Variants in LYST observed in about 807,000 individuals in gnomAD.
The protein encoded by LYST is lysosomal-trafficking regulator.
Under a neutral mutation model 413.6 loss-of-function variants are expected in LYST, and 192 were observed. The ratio of observed to expected loss-of-function variants is 0.46; its 90% CI spans 0.41 to 0.52. LYST has a LOEUF of 0.52. LYST is among the 20% of genes least tolerant of loss of function. The pLI, the probability that LYST is intolerant of heterozygous loss-of-function variation, is 0.00. For missense variants in LYST, 3,815 were observed against 4,499.9 expected (o/e 0.85, Z 4.35); for synonymous variants, 1,525 against 1,567.3 (o/e 0.97, Z 0.64).
rs372397853 is a variant in LYST at position 235,809,970 on chromosome 1, G to A, written c.848C>T (p.Ala283Val). Residue 283 changes from alanine (A) to valine (V), a missense_variant, in exon 5 of 53, where the codon GCC becomes GTC. By Grantham distance (64) the Ala-to-Val change is moderately conservative. Around this residue, in one of 4 missense-constraint regions of LYST, gnomAD observed 1,648 missense variants for 1,810.3 expected, o/e 0.91. Coordinates refer to ENST00000389793, the MANE Select transcript of LYST (RefSeq NM_000081.4). The surrounding 1 kb of genome is among the most constrained non-coding windows in gnomAD (Gnocchi z 4.0). ...TTCAGTTAGTGTGGGCACTACACTG[G>A]CTGCTAAAGGAGAATTATGATTCAA... ...VTLNHNSPLA[A>V]SVVPTLTEFL... is the part of the protein sequence containing the mutation. 2 of 1,613,376 alleles carry A rather than the reference G, an allele frequency of 1.2e-6. No homozygotes were observed. The highest frequency in any genetic ancestry group is 1.7e-6 in the Non-Finnish European group (2 of 1,179,588).
rs549473243 is a variant in LYST at position 235,775,859 on chromosome 1, A to G, written c.5461-773T>C. Reference sequence around the variant, plus strand: ...ACCAGGTTCACAAGGCAGGTTATGCATGTAAGGATTTTAAGGACACTGAAT... The same window carrying G: ...ACCAGGTTCACAAGGCAGGTTATGCGTGTAAGGATTTTAAGGACACTGAAT... On this transcript the variant is annotated intron_variant, in intron 17 of 52. Transcript: ENST00000389793. 2.6e-5 allele frequency among the ~76,000 whole-genome samples: 4 copies of G among 152,280 alleles called. No individual in the cohort carries two copies. In the South Asian group the frequency reaches 8.3e-4, roughly 32 times the overall value.
chr1:235,868,928 C>G (rs544374788), upstream of LYST, among the ~76,000 whole-genome samples: 17 of 152,218 alleles, frequency 1.1e-4, no homozygotes, highest in East Asian at 3.1e-3. Context: ...CTCCTGACCT[C>G]AGGTGATCCA....
At chr1:235,692,682 C>A (rs1264897572) in intron 47 of LYST, among the ~76,000 whole-genome samples, 2 of 151,992 alleles carry the variant, frequency 1.3e-5, no homozygotes, top group Admixed American at 6.6e-5. Context: ...CTGTGCCCAG[C>A]CAGTCTGACT....
At chr1:235,849,784 A>G (rs938474980) in intron 1 of LYST, among the ~76,000 whole-genome samples, 1 of 150,942 alleles carries the variant, frequency 6.6e-6, no homozygotes, top group Non-Finnish European at 1.5e-5. Context: ...CCAAAAAAAA[A>G]AAAAAAAAAA....
intron 50 of LYST, among the ~76,000 whole-genome samples, chr1:235,667,556 G>T (rs1028587846): frequency 1.3e-5 from 2 of 152,212 alleles, no homozygotes; most frequent in Admixed American, 6.5e-5. Flanking sequence ...CTAGGTATCT[G>T]AGAGGGATTG....
chr1:235,728,872 C>T (rs888851439), intron 37 of LYST, among the ~76,000 whole-genome samples: 3 of 152,120 alleles, frequency 2.0e-5, no homozygotes, highest in East Asian at 1.9e-4. Context: ...CATTCATTCT[C>T]GAATTTGAAG....
rs1204158086 is a variant in LYST at position 235,731,039 on chromosome 1, T to G, written c.8940A>C (p.Lys2980Asn). Residue 2980 changes from lysine to asparagine, a missense_variant, in exon 35 of 53, where the codon AAA becomes AAC. By Grantham distance (94) the Lys-to-Asn change is moderately conservative. Around this residue, in one of 4 missense-constraint regions of LYST, gnomAD observed 866 missense variants for 1,156.0 expected, o/e 0.75. Coordinates refer to ENST00000389793, the MANE Select transcript of LYST (RefSeq NM_000081.4). ...PNKYLLRDRQ[K>N]SEDVVKPPLS... The stretch of plus-strand genomic sequence containing the variant: ...TCAAGAAGCCACTATTACCTTCTGA[T>G]TTCTGTCTATCCCTAAGGAGATACT... 2 of 1,613,430 alleles carry G rather than the reference T, an allele frequency of 1.2e-6. No homozygotes were observed. Among genetic ancestry groups the G allele is most frequent in the Non-Finnish European group, 1.7e-6 (2 of 1,179,386 alleles).
Position 235,783,888 on chromosome 1 carries a change from C to T in LYST, c.4863-1801G>A, listed in dbSNP as rs11314257. 0.014 allele frequency among the ~76,000 whole-genome samples: 628 copies of T among 44,376 alleles called. 6 individuals are homozygous for T. The African/African-American group carries it at 0.18, about 13-fold the overall frequency. The allele number at this position is 44,376 out of a possible 152,430, so 29.1% of individuals were successfully genotyped here. A position where few individuals can be genotyped will look rare whatever the true frequency, so the allele number is the denominator to read the frequency against. ...TCTTTTAGAAATTCTTTTTTTTTTT[C>T]TTTTAAATTGAGACAGGGTCTCGCT... is the stretch of plus-strand genomic sequence containing the variant. On this transcript the variant is annotated intron_variant, in intron 14 of 52. Transcript: ENST00000389793.
At chr1:235,665,628 A>T (rs2103010575) in intron 50 of LYST, among the ~76,000 whole-genome samples, 1 of 151,702 alleles carries the variant, frequency 6.6e-6, no homozygotes, top group East Asian at 1.9e-4. Flanking sequence ...AAAAAAAAAA[A>T]AAAGTGACTT....
intron 45 of LYST, 98 bp from the exon 46 acceptor site, chr1:235,697,370 T>C (rs1661193959): frequency 2.3e-6 from 2 of 873,574 alleles, no homozygotes; most frequent in African/African-American, 1.7e-5. Context: ...GAAAGTAATA[T>C]GGATTATAAG....
At chr1:235,872,145 A>G (rs905776229) in intron 1 of LYST, among the ~76,000 whole-genome samples, 1 of 152,040 alleles carries the variant, frequency 6.6e-6, no homozygotes, top group Non-Finnish European at 1.5e-5. Context: ...AAAATACAAA[A>G]ACTAGCCAGG....
At chr1:235,699,778 G>A (rs1007734961) in intron 45 of LYST, among the ~76,000 whole-genome samples, 5 of 152,126 alleles carry the variant, frequency 3.3e-5, no homozygotes, top group Non-Finnish European at 7.3e-5. Flanking sequence ...ATTCTGATTG[G>A]TGTGAGATGG....
chr1:235,702,562 T>A (rs575035511), intron 45 of LYST, among the ~76,000 whole-genome samples, 185 bp downstream of exon 45: 85 of 152,306 alleles, frequency 5.6e-4, no homozygotes, highest in African/African-American at 1.8e-3. Flanking sequence ...CCCAAAGCAC[T>A]CTCTCATATC....
At chr1:235,700,024 T>C (rs889318791) in intron 45 of LYST, among the ~76,000 whole-genome samples, 8 of 152,148 alleles carry the variant, frequency 5.3e-5, no homozygotes, top group Admixed American at 2.0e-4. Flanking sequence ...CTGGGAAAAC[T>C]GGCTAGCCAT....
chr1:235,872,093 CG>C (rs1680949757), intron 1 of LYST, among the ~76,000 whole-genome samples: 1 of 152,016 alleles, frequency 6.6e-6, no homozygotes. Context: ...GTCAGGAGTT[CG>C]TGACCAGCCT....
Position 235,744,061 on chromosome 1 carries a change from A to G in LYST, c.8069T>C (p.Ile2690Thr), listed in dbSNP as rs779059395. 4.8e-5 allele frequency: 77 copies of G among 1,590,638 alleles called. No individual in the cohort carries two copies. The highest frequency in any genetic ancestry group is 6.2e-5 in the Non-Finnish European group (72 of 1,159,142). Residue 2690 changes from isoleucine to threonine, a missense_variant, in exon 30 of 53, where the codon ATT (isoleucine) becomes ACT (threonine). Physicochemically the swap from Ile to Thr is moderately conservative, Grantham distance 89. Coordinates refer to ENST00000389793, the MANE Select transcript of LYST (RefSeq NM_000081.4). ...VFQTEISEEN[I>T]HHEQSSVFNP... is the part of the protein sequence containing the mutation. ...GAAAACAGAAGACTGTTCATGATGAATATTTTCCTCAGAAATTTCGGTCTG... is the reference window on the plus strand; with the variant it reads ...GAAAACAGAAGACTGTTCATGATGAGTATTTTCCTCAGAAATTTCGGTCTG...
intron 46 of LYST, among the ~76,000 whole-genome samples, chr1:235,696,705 C>T (rs868268211): frequency 2.0e-5 from 3 of 152,228 alleles, no homozygotes; most frequent in Non-Finnish European, 4.4e-5. Flanking sequence ...GCTATCTCGA[C>T]ATCCTTGTTG....
chr1:235,799,271 T>C (rs1671928121), intron 10 of LYST, among the ~76,000 whole-genome samples: 1 of 152,202 alleles, frequency 6.6e-6, no homozygotes, highest in Admixed American at 6.5e-5. Context: ...CATACTTTCA[T>C]ATTTTTTTCA....
chr1:235,745,456 C>G (rs1665823054), intron 29 of LYST, among the ~76,000 whole-genome samples: 1 of 152,034 alleles, frequency 6.6e-6, no homozygotes, highest in Non-Finnish European at 1.5e-5. Context: ...AAACTTGGAC[C>G]ACTCATACAC....
Sources: allele counts gnomAD v4.1 joint callset (sites outside exome capture counted in the v4.1 genomes callset), GRCh38; gene constraint gnomAD v4.1.1; regional missense constraint gnomAD v4.1.1; non-coding constraint Gnocchi (gnomAD v3.1); transcripts MANE v1.5; gene names NCBI Gene and HGNC (gene_info 2026-07-23, HGNC 2026-07-21).